C8orf34: variants seen among roughly 807,000 people sequenced by gnomAD.
C8orf34 encodes chromosome 8 open reading frame 34.
C8orf34 carries 65 observed loss-of-function variants against 68.3 expected under a neutral mutation model. The ratio of observed to expected loss-of-function variants is 0.95; its 90% CI spans 0.78 to 1.17. The LOEUF (loss-of-function observed/expected upper bound fraction) is 1.17, where lower values mean the gene tolerates loss of function less well. Ranked by LOEUF, C8orf34 falls within the 50% of genes most tolerant of loss-of-function variation. The pLI, the probability that C8orf34 is intolerant of heterozygous loss-of-function variation, is 0.00. For missense variants in C8orf34, 664 were observed against 655.4 expected (o/e 1.01, Z -0.14); for synonymous variants, 244 against 241.2 (o/e 1.01, Z -0.11).
In C8orf34 at chr8:68,396,628, G is replaced by A. The variant is rs563870893; in HGVS notation, c.328-42871G>A. ...AGTGGGAGGTGTTTGGGCAATAGAA[G>A]TGGATCCCTCATGAAGGGCTTCATG... On this transcript the variant is annotated intron_variant, in intron 1 of 13. Coordinates refer to ENST00000518698, the MANE Select transcript of C8orf34 (RefSeq NM_052958.4). 4.2e-5 allele frequency among the ~76,000 whole-genome samples: 6 copies of A among 143,920 alleles called. No individual in the cohort carries two copies. The South Asian group carries it at 1.3e-3, about 32-fold the overall frequency. 94.4% of individuals were successfully genotyped at this position (143,920 alleles called of 152,430 possible).
chr8:68,758,148 T>G (rs539964036), intron 10 of C8orf34, among the ~76,000 whole-genome samples: 1 of 152,326 alleles, frequency 6.6e-6, no homozygotes, highest in East Asian at 1.9e-4. Flanking sequence ...TCCACTCTGT[T>G]TGAGGAAATA....
intron 12 of C8orf34, among the ~76,000 whole-genome samples, chr8:68,810,749 A>G (rs1309603140): frequency 2.0e-5 from 3 of 152,284 alleles, no homozygotes; most frequent in Non-Finnish European, 2.9e-5. Context: ...TCATCCTGAC[A>G]TCTGCTCAGC....
intron 3 of C8orf34, among the ~76,000 whole-genome samples, chr8:68,451,541 C>A (rs1811345097): frequency 6.6e-6 from 1 of 151,974 alleles, no homozygotes; most frequent in South Asian, 2.1e-4. Flanking sequence ...GGCCTAATTT[C>A]AAAATTGTTG....
At chr8:68,791,092 A>G in intron 12 of C8orf34, 1 of 562,672 alleles carries the variant, frequency 1.8e-6, no homozygotes, top group Non-Finnish European at 3.1e-6. Flanking sequence ...GACATGCAAG[A>G]CAGTGTATTA....
Position 68,796,672 on chromosome 8 carries a change from G to A in C8orf34, c.1549+9136G>A, listed in dbSNP as rs1456711223. On this transcript the variant is annotated intron_variant, in intron 12 of 13. Transcript: ENST00000518698. ...TATAATAAGCATCCTGGTTTAAAAT[G>A]GGGGAAATGTTGTCCATTATTGGAC... 2.0e-5 allele frequency among the ~76,000 whole-genome samples: 3 copies of A among 152,220 alleles called. 1 individual carries two copies. Among genetic ancestry groups the A allele is most frequent in the South Asian group, 2.1e-4 (1 of 4,826 alleles).
intron 7 of C8orf34, among the ~76,000 whole-genome samples, chr8:68,590,713 C>T (rs1170457079): frequency 6.6e-6 from 1 of 152,154 alleles, no homozygotes; most frequent in Non-Finnish European, 1.5e-5. Context: ...AAGCTTGAGG[C>T]CTCTAGGAGA....
chr8:68,775,816 A>G (rs748316180), intron 10 of C8orf34, among the ~76,000 whole-genome samples: 5 of 152,226 alleles, frequency 3.3e-5, no homozygotes, highest in Non-Finnish European at 7.3e-5. Context: ...TCATTTGTTA[A>G]CATGAATTAA....
At chr8:68,723,899 C>A (rs1821753476) in intron 10 of C8orf34, among the ~76,000 whole-genome samples, 1 of 152,136 alleles carries the variant, frequency 6.6e-6, no homozygotes, top group Non-Finnish European at 1.5e-5. Flanking sequence ...TGTTCACATA[C>A]TGCTTCCCCA....
chr8:68,344,844 GA>G (rs764138336), intron 1 of C8orf34, among the ~76,000 whole-genome samples: 4 of 152,016 alleles, frequency 2.6e-5, no homozygotes, highest in Admixed American at 1.3e-4. Flanking sequence ...TATTGGGGGG[GA>G]GTAACATGGG....
chr8:68,762,548 A>G (rs1421299210), intron 10 of C8orf34, among the ~76,000 whole-genome samples: 4 of 152,202 alleles, frequency 2.6e-5, no homozygotes, highest in African/African-American at 7.2e-5. Context: ...TTGGCAGGAA[A>G]TCTTTTTGGC....
At chr8:68,359,515 G>A (rs1203784557) in intron 1 of C8orf34, among the ~76,000 whole-genome samples, 1 of 152,176 alleles carries the variant, frequency 6.6e-6, no homozygotes, top group African/African-American at 2.4e-5. Flanking sequence ...ACCCAGAAGT[G>A]CTGGTGATAA....
At chr8:68,554,767 C>T (rs1467895639) in intron 7 of C8orf34, among the ~76,000 whole-genome samples, 4 of 152,060 alleles carry the variant, frequency 2.6e-5, no homozygotes, top group African/African-American at 9.7e-5. Context: ...AGGCAAATGT[C>T]TAGTCATTGG....
At chr8:68,781,219 C>T (rs972985906) in intron 11 of C8orf34, among the ~76,000 whole-genome samples, 1 of 152,094 alleles carries the variant, frequency 6.6e-6, no homozygotes, top group African/African-American at 2.4e-5. Context: ...TGATAAATCA[C>T]TGATTGGTTG....
intron 7 of C8orf34, among the ~76,000 whole-genome samples, chr8:68,574,494 G>T (rs562064494): frequency 6.6e-6 from 1 of 151,894 alleles, no homozygotes; most frequent in African/African-American, 2.4e-5. Context: ...ATATAGAAAA[G>T]GTCATCTCTG....
intron 1 of C8orf34, among the ~76,000 whole-genome samples, chr8:68,345,367 C>T (rs1806236889): frequency 2.0e-5 from 3 of 151,792 alleles, no homozygotes; most frequent in Non-Finnish European, 2.9e-5. Context: ...CCATGATATA[C>T]TTTAAAAACT....
chr8:68,536,453 G>A (rs561057223), intron 7 of C8orf34, among the ~76,000 whole-genome samples: 32 of 151,222 alleles, frequency 2.1e-4, no homozygotes, highest in African/African-American at 7.5e-4. Flanking sequence ...AACATTTGAG[G>A]AACTTCGTTA....
intron 1 of C8orf34, chr8:68,437,872 C>A (rs538974238): frequency 9.2e-5 from 14 of 152,254 alleles, no homozygotes; most frequent in Non-Finnish European, 1.5e-4. Context: ...ACTCTATGAT[C>A]AACTTGGGAT....
At chr8:68,801,985 T>C (rs1326506867) in intron 12 of C8orf34, among the ~76,000 whole-genome samples, 1 of 152,134 alleles carries the variant, frequency 6.6e-6, no homozygotes, top group Non-Finnish European at 1.5e-5. Flanking sequence ...TATACAATCA[T>C]TCATACAATA....
At chr8:68,471,291 C>A (rs1204433870) in intron 4 of C8orf34, among the ~76,000 whole-genome samples, 1 of 152,014 alleles carries the variant, frequency 6.6e-6, no homozygotes, top group African/African-American at 2.4e-5. Context: ...TTTTTCTGAG[C>A]AAAATTATAC....
Sources: gnomAD v4.1 joint callset for allele counts (sites outside exome capture counted in the v4.1 genomes callset) on GRCh38, gnomAD v4.1.1 for gene constraint, MANE v1.5 for transcripts, NCBI Gene and HGNC (gene_info 2026-07-23, HGNC 2026-07-21) for gene names.